The following HGH1 variants were observed in gnomAD, a reference collection of about 807,000 sequenced individuals.
HGH1 encodes co-chaperone protein HGH1 homolog.
HGH1 carries 31 observed loss-of-function variants against 31.7 expected under a neutral mutation model. The observed-to-expected ratio is 0.98, with a 90% CI of 0.73 to 1.32. The LOEUF is 1.32. Among genes scored for constraint, HGH1 ranks in the 40% most tolerant of loss-of-function variants. The pLI is 0.00. For synonymous variants in HGH1, 284 were observed against 293.6 expected, an observed-to-expected ratio of 0.97 and a Z score of 0.34; for missense variants, 618 against 594.4, an observed-to-expected ratio of 1.04 and a Z score of -0.41.
Position 144,138,596 on chromosome 8 carries a change from GC to G in HGH1, c.684del (p.Phe229SerfsTer68). On this transcript the variant is annotated frameshift_variant, in exon 2 of 6. Transcript: ENST00000347708. LOFTEE classifies it high-confidence loss of function. Reference sequence around the variant, plus strand: ...GTGGTGGGGACGCTGCGGAATTGCTGCTTCGAGCACCGTGAGTGGTGGGTGT... The same window carrying G: ...GTGGTGGGGACGCTGCGGAATTGCTGTTCGAGCACCGTGAGTGGTGGGTGT... ...GGVVGTLRNC[C>X]FEHRHHEWLL... The G allele has an allele frequency of 6.2e-7, 1 of 1,613,096 alleles. No individual in the cohort carries two copies. Among genetic ancestry groups the G allele is most frequent in the Non-Finnish European group, 8.5e-7 (1 of 1,179,542 alleles).
Position 144,138,319 on chromosome 8 carries a change from C to T in HGH1, c.484C>T (p.Leu162=). The change falls in exon 1 of 6, where the codon CTG becomes TTG. Residue 162 remains leucine, a synonymous_variant. Coordinates refer to ENST00000347708, the MANE Select transcript of HGH1 (RefSeq NM_016458.4). ...GGGCCTGGAGCGGCTGGTGCGCGCG[C>T]TGTGCACGCCCGGCTACAACGCCCG... The part of the protein sequence containing the change: ...DSGLERLVRA[L]CTPGYNARAP... The T allele has an allele frequency of 6.5e-7, 1 of 1,533,530 alleles. No individual in the cohort carries two copies. Among genetic ancestry groups the T allele is most frequent in the Non-Finnish European group, 8.7e-7 (1 of 1,147,424 alleles). 95.0% of individuals were successfully genotyped at this position (1,533,530 alleles called of 1,614,324 possible).
At position 144,138,081 on chromosome 8, in the gene HGH1, C is replaced by A; in HGVS notation, c.246C>A (p.Ala82=). ...CCTCTGCCCCGGCCCGGGACGCCGCCCGCGCGCTCGTGAACTTGGCCGCCG... is the reference window on the plus strand; with the variant it reads ...CCTCTGCCCCGGCCCGGGACGCCGCACGCGCGCTCGTGAACTTGGCCGCCG... ...APASAPARDA[A]RALVNLAADP... The change falls in exon 1 of 6, where the codon GCC becomes GCA. Residue 82 remains alanine, a synonymous_variant. Coordinates refer to ENST00000347708, the MANE Select transcript of HGH1 (RefSeq NM_016458.4). 1 of 1,322,294 alleles carries A rather than the reference C, an allele frequency of 7.6e-7. No homozygotes were observed. The highest frequency in any genetic ancestry group is 9.7e-7 in the Non-Finnish European group (1 of 1,030,532). The allele number at this position is 1,322,294 out of a possible 1,614,324, so 81.9% of individuals were successfully genotyped here.
At chr8:144,138,678 T>C in intron 2 of HGH1, 37 bp from the exon 3 acceptor site, 1 of 1,612,198 alleles carries the variant, frequency 6.2e-7, no homozygotes, top group Non-Finnish European at 8.5e-7. Context: ...TCTGGACCAG[T>C]TTCCATTCCC....
chr8:144,138,390 ACG>A lies in HGH1; in HGVS notation c.557_558del (p.Arg186ProfsTer55). 4 of 1,586,574 alleles carry A rather than the reference ACG, an allele frequency of 2.5e-6. No homozygotes were observed. The highest frequency in any genetic ancestry group is 3.4e-6 in the Non-Finnish European group (4 of 1,175,540). On this transcript the variant is annotated frameshift_variant, in exon 1 of 6. Coordinates refer to ENST00000347708, the MANE Select transcript of HGH1 (RefSeq NM_016458.4). LOFTEE classifies it high-confidence loss of function. ...LAPLLSNLSQ[R>X]PAARAFLLDP... Reference sequence around the variant, plus strand: ...CGCCGCTGCTCTCCAACCTCAGCCAACGCCCTGCGGCGCGGGCCTTCCTACTG... The same window carrying A: ...CGCCGCTGCTCTCCAACCTCAGCCAACCCTGCGGCGCGGGCCTTCCTACTG...
chr8:144,139,359 C>T lies in HGH1; in HGVS notation c.1009-29C>T, dbSNP rs1375273471. 3 of 1,613,816 alleles carry T rather than the reference C, an allele frequency of 1.9e-6. No homozygotes were observed. The African/African-American group carries it at 4.0e-5, about 22-fold the overall frequency. ...TGGGGAAGGGGTGTCTGTAGCTGGC[C>T]AGCTGCTCACCTGCTTCCCGTCTGG... On this transcript the variant is annotated intron_variant, in intron 5 of 5. Coordinates refer to ENST00000347708, the MANE Select transcript of HGH1 (RefSeq NM_016458.4).
In HGH1 at chr8:144,137,794, G is replaced by T. The variant is rs1026522749; in HGVS notation, c.-42G>T. 8 of 1,230,664 alleles carry T rather than the reference G, an allele frequency of 6.5e-6. No homozygotes were observed. The highest frequency in any genetic ancestry group is 3.1e-4 in the Middle Eastern group (1 of 3,212). 76.2% of individuals were successfully genotyped at this position (1,230,664 alleles called of 1,614,324 possible). On this transcript the variant is annotated 5_prime_UTR_variant, in exon 1 of 6. Coordinates refer to ENST00000347708, the MANE Select transcript of HGH1 (RefSeq NM_016458.4). ...GGGCCACACAGCGGACCCCTAAGCGGACCGCTGGCACCGGTCGGGTGGCAG... is the reference window on the plus strand; with the variant it reads ...GGGCCACACAGCGGACCCCTAAGCGTACCGCTGGCACCGGTCGGGTGGCAG...
chr8:144,138,657 T>C, intron 2 of HGH1, 50 bp downstream of exon 2: 2 of 1,607,370 alleles, frequency 1.2e-6, no homozygotes, highest in Non-Finnish European at 1.7e-6. Flanking sequence ...GGGACTGGAC[T>C]CCGGGGCTGC....
chr8:144,139,992 A>ACTCCCTGCAGCTCTCAG lies in HGH1; in HGVS notation c.*448_*464dup, dbSNP rs1271959428. The ACTCCCTGCAGCTCTCAG allele has an allele frequency of 1.9e-5, 5 of 264,966 alleles. No homozygotes were observed. Among genetic ancestry groups the ACTCCCTGCAGCTCTCAG allele is most frequent in the Non-Finnish European group, 7.3e-6 (1 of 136,600 alleles). 16.4% of individuals were successfully genotyped at this position (264,966 alleles called of 1,614,324 possible). A position where few individuals can be genotyped will look rare whatever the true frequency, so the allele number is the denominator to read the frequency against. On this transcript the variant is annotated 3_prime_UTR_variant, in exon 6 of 6. Coordinates refer to ENST00000347708, the MANE Select transcript of HGH1 (RefSeq NM_016458.4). ...GTACAAGTGCTGCTTTGTCAGCCTCACTCCCTGCAGCTCTCAGCTCCCTGT... is the reference window on the plus strand; with the variant it reads ...GTACAAGTGCTGCTTTGTCAGCCTCACTCCCTGCAGCTCTCAGCTCCCTGCAGCTCTCAGCTCCCTGT...
At position 144,138,826 on chromosome 8, in the gene HGH1, T is replaced by C; in HGVS notation, c.793+13T>C. 4 of 1,613,752 alleles carry C rather than the reference T, an allele frequency of 2.5e-6. No individual in the cohort carries two copies. The highest frequency in any genetic ancestry group is 2.2e-5 in the South Asian group (2 of 91,066). ...GAAGAGATGGAACGTGAGTGGCTAGTGTGGAGCCTCAGAGTTGGCCGGAGA... is the reference window on the plus strand; with the variant it reads ...GAAGAGATGGAACGTGAGTGGCTAGCGTGGAGCCTCAGAGTTGGCCGGAGA... On this transcript the variant is annotated intron_variant, in intron 3 of 5. Transcript: ENST00000347708.
Position 144,138,158 on chromosome 8 carries a change from G to A in HGH1, c.323G>A (p.Arg108His). ...GCGGCCGACCCCGGGCTGCCAGCGC[G>A]CCTGATGGGCCGCGCGTTGGACCCG... ...LLAADPGLPA[R>H]LMGRALDPQW... The change falls in exon 1 of 6, where the codon CGC becomes CAC. Residue 108 changes from arginine to histidine, a missense_variant. Physicochemically the swap from Arg to His is conservative, Grantham distance 29. Transcript: ENST00000347708. 2 of 1,307,918 alleles carry A rather than the reference G, an allele frequency of 1.5e-6. No individual in the cohort carries two copies. The highest frequency in any genetic ancestry group is 2.0e-5 in the South Asian group (1 of 49,090). 81.0% of individuals were successfully genotyped at this position (1,307,918 alleles called of 1,614,324 possible). A position where few individuals can be genotyped will look rare whatever the true frequency, so the allele number is the denominator to read the frequency against.
Position 144,138,749 on chromosome 8 carries a change from C to T in HGH1, c.729C>T (p.Asp243=), listed in dbSNP as rs368424603. ...HHEWLLGPEV[D]ILPFLLLPLA... is the part of the protein sequence containing the mutation. Reference sequence around the variant, plus strand: ...AGTGGTTGCTTGGACCTGAGGTGGACATTCTCCCCTTTTTGCTCCTGCCCT... The same window carrying T: ...AGTGGTTGCTTGGACCTGAGGTGGATATTCTCCCCTTTTTGCTCCTGCCCT... The change falls in exon 3 of 6, where the codon GAC becomes GAT. Residue 243 remains aspartate, a synonymous_variant. Coordinates refer to ENST00000347708, the MANE Select transcript of HGH1 (RefSeq NM_016458.4). The T allele has an allele frequency of 2.5e-6, 4 of 1,613,964 alleles. No individual in the cohort carries two copies. Among genetic ancestry groups the T allele is most frequent in the Non-Finnish European group, 3.4e-6 (4 of 1,179,854 alleles).
intron 1 of HGH1, 26 bp downstream of exon 1, chr8:144,138,454 C>T: frequency 6.3e-7 from 1 of 1,588,050 alleles, no homozygotes. Flanking sequence ...CCCGCGCGGG[C>T]GGGGAGGGGA....
Position 144,138,369 on chromosome 8 carries a change from G to T in HGH1, c.534G>T (p.Pro178=), listed in dbSNP as rs899328421. 4.8e-5 allele frequency: 76 copies of T among 1,581,396 alleles called. 1 individual carries two copies. The highest frequency in any genetic ancestry group is 8.5e-6 in the Non-Finnish European group (10 of 1,173,248). Residue 178 remains proline, a synonymous_variant, in exon 1 of 6, where the codon CCG becomes CCT. Transcript: ENST00000347708. ...NARAPLHYLA[P]LLSNLSQRPA... ...GCGCGCCCCTGCACTACCTAGCGCC[G>T]CTGCTCTCCAACCTCAGCCAACGCC...
In HGH1 at chr8:144,137,785, C is replaced by T. The variant is rs1309241205; in HGVS notation, c.-51C>T. On this transcript the variant is annotated 5_prime_UTR_variant, in exon 1 of 6. Transcript: ENST00000347708. ...CGGGGTTGCGGGCCACACAGCGGACCCCTAAGCGGACCGCTGGCACCGGTC... is the reference window on the plus strand; with the variant it reads ...CGGGGTTGCGGGCCACACAGCGGACTCCTAAGCGGACCGCTGGCACCGGTC... The T allele has an allele frequency of 4.1e-6, 5 of 1,213,838 alleles. No individual in the cohort carries two copies. In the East Asian group the frequency reaches 9.5e-5, roughly 23 times the overall value. The allele number at this position is 1,213,838 out of a possible 1,614,324, so 75.2% of individuals were successfully genotyped here.
Position 144,139,873 on chromosome 8 carries a change from G to A in HGH1, c.*321G>A. 2.0e-6 allele frequency: 1 copy of A among 500,160 alleles called. No individual in the cohort carries two copies. Among genetic ancestry groups the A allele is most frequent in the Non-Finnish European group, 3.6e-6 (1 of 275,890 alleles). 31.0% of individuals were successfully genotyped at this position (500,160 alleles called of 1,614,324 possible). ...AGACTCTTCCTGGGCACGGCGTGGG[G>A]ACTGGACAGAAAACCACTGCAAGCC... is the stretch of plus-strand genomic sequence containing the variant. On this transcript the variant is annotated 3_prime_UTR_variant, in exon 6 of 6. Coordinates refer to ENST00000347708, the MANE Select transcript of HGH1 (RefSeq NM_016458.4).
At position 144,138,112 on chromosome 8, in the gene HGH1, G is replaced by A; in HGVS notation, c.277G>A (p.Gly93Ser). Residue 93 changes from glycine (G) to serine (S), a missense_variant, in exon 1 of 6, where the codon GGC (glycine) becomes AGC (serine). By Grantham distance (56) the Gly-to-Ser change is moderately conservative. Transcript: ENST00000347708. Reference protein sequence around the residue: ...RALVNLAADPGLHETLLAADP... With the variant: ...RALVNLAADPSLHETLLAADP... ...GCTCGTGAACTTGGCCGCCGACCCC[G>A]GCCTGCACGAGACATTGCTGGCGGC... 7.5e-7 allele frequency: 1 copy of A among 1,332,596 alleles called. No homozygotes were observed. The highest frequency in any genetic ancestry group is 1.7e-5 in the South Asian group (1 of 58,756). The allele number at this position is 1,332,596 out of a possible 1,614,324, so 82.5% of individuals were successfully genotyped here. A position where few individuals can be genotyped will look rare whatever the true frequency, so the allele number is the denominator to read the frequency against.
In HGH1 at chr8:144,139,807, G is replaced by T; in HGVS notation, c.*255G>T. 1 of 608,430 alleles carries T rather than the reference G, an allele frequency of 1.6e-6. No homozygotes were observed. The highest frequency in any genetic ancestry group is 2.0e-5 in the South Asian group (1 of 49,184). 37.7% of individuals were successfully genotyped at this position (608,430 alleles called of 1,614,324 possible). On this transcript the variant is annotated 3_prime_UTR_variant, in exon 6 of 6. Transcript: ENST00000347708. The stretch of plus-strand genomic sequence containing the variant: ...GCACCGTGACTCGGCTGCCTGTGCA[G>T]AAGGTGGAGGTGGCAGGCGGATGGC...
chr8:144,137,803 C>A lies in HGH1; in HGVS notation c.-33C>A. 8.1e-7 allele frequency: 1 copy of A among 1,237,730 alleles called. No individual in the cohort carries two copies. The allele number at this position is 1,237,730 out of a possible 1,614,324, so 76.7% of individuals were successfully genotyped here. The stretch of plus-strand genomic sequence containing the variant: ...AGCGGACCCCTAAGCGGACCGCTGG[C>A]ACCGGTCGGGTGGCAGCAGAGTGTC... On this transcript the variant is annotated 5_prime_UTR_variant, in exon 1 of 6. Transcript: ENST00000347708.
rs1227090474 is a variant in HGH1, at chr8:144,140,738, G to C, written c.*1186G>C. 1 of 152,408 alleles carries C rather than the reference G, an allele frequency of 6.6e-6. No individual in the cohort carries two copies. Among genetic ancestry groups the C allele is most frequent in the Non-Finnish European group, 1.5e-5 (1 of 68,222 alleles). The allele number at this position is 152,408 out of a possible 1,614,324, so 9.4% of individuals were successfully genotyped here. A position where few individuals can be genotyped will look rare whatever the true frequency, so the allele number is the denominator to read the frequency against. On this transcript the variant is annotated 3_prime_UTR_variant, in exon 6 of 6. Coordinates refer to ENST00000347708, the MANE Select transcript of HGH1 (RefSeq NM_016458.4). Reference sequence around the variant, plus strand: ...ACTCATGCAGGCATGTGTGGACCATGTTTTCCCCTGGCCAGAGCCCCCACC... The same window carrying C: ...ACTCATGCAGGCATGTGTGGACCATCTTTTCCCCTGGCCAGAGCCCCCACC...
Sources: gnomAD v4.1 joint callset for allele counts on GRCh38, gnomAD v4.1.1 for gene constraint, MANE v1.5 for transcripts, NCBI Gene and HGNC (gene_info 2026-07-23, HGNC 2026-07-21) for gene names.